Variants in EPHA5 observed in about 807,000 individuals in gnomAD.
EPHA5 encodes ephrin type-A receptor 5.
EPHA5 carries 60 observed loss-of-function variants against 105.0 expected under a neutral mutation model. The observed-to-expected ratio is 0.57, with a 90% confidence interval of 0.46 to 0.71. The LOEUF is 0.71. Among genes scored for constraint, EPHA5 ranks in the 30% least tolerant of loss-of-function variants. The pLI is 0.00. For missense variants in EPHA5, 1,218 were observed against 1,274.7 expected (o/e 0.96, Z 0.68); for synonymous variants, 513 against 449.1 (o/e 1.14, Z -1.80).
At chr4:65,418,684 T>C (rs1723626408) in intron 6 of EPHA5, among the ~76,000 whole-genome samples, 1 of 152,026 alleles carries the variant, frequency 6.6e-6, no homozygotes. Flanking sequence ...ATACGAACAT[T>C]GTAGAAACAT....
chr4:65,535,705 A>G (rs1736224027), intron 3 of EPHA5, among the ~76,000 whole-genome samples: 1 of 152,024 alleles, frequency 6.6e-6, no homozygotes, highest in Non-Finnish European at 1.5e-5. Flanking sequence ...GTTGAAGGTG[A>G]TGAAAAATAG....
chr4:65,599,348 A>AACACACACACAAACACACAC (rs1553949162), intron 3 of EPHA5, among the ~76,000 whole-genome samples: 1 of 148,564 alleles, frequency 6.7e-6, no homozygotes, highest in African/African-American at 2.5e-5. Flanking sequence ...GGCATTTTAT[A>AACACACACACAAACACACAC]ACACACACAC....
At chr4:65,651,133 G>A (rs1175499407) in intron 1 of EPHA5, among the ~76,000 whole-genome samples, 3 of 152,174 alleles carry the variant, frequency 2.0e-5, no homozygotes, top group Admixed American at 2.0e-4. Flanking sequence ...TGCTGGGAAT[G>A]GATGTATTTC....
At chr4:65,431,835 C>T (rs1018118415) in intron 5 of EPHA5, among the ~76,000 whole-genome samples, 1 of 151,992 alleles carries the variant, frequency 6.6e-6, no homozygotes, top group Admixed American at 6.6e-5. Flanking sequence ...AGAGTGGCCT[C>T]ATTTATCTTT....
chr4:65,507,456 G>T (rs1177967652), intron 3 of EPHA5, among the ~76,000 whole-genome samples: 1 of 152,126 alleles, frequency 6.6e-6, no homozygotes, highest in Non-Finnish European at 1.5e-5. Context: ...ATTACCTTGG[G>T]CAGTATGGCC....
intron 14 of EPHA5, among the ~76,000 whole-genome samples, chr4:65,345,620 T>C (rs1722140846): frequency 6.6e-6 from 1 of 152,216 alleles, no homozygotes; most frequent in Non-Finnish European, 1.5e-5. Flanking sequence ...CCTCCTCCTC[T>C]AGGGCCCTTG....
At chr4:65,622,549 ATG>A (rs1337011814) in intron 2 of EPHA5, among the ~76,000 whole-genome samples, 3 of 152,130 alleles carry the variant, frequency 2.0e-5, no homozygotes, top group Admixed American at 6.5e-5. Flanking sequence ...CTGAAAATAA[ATG>A]TAGTACTATT....
chr4:65,379,960 T>G (rs1038370218), intron 8 of EPHA5, among the ~76,000 whole-genome samples: 1 of 151,748 alleles, frequency 6.6e-6, no homozygotes, highest in Non-Finnish European at 1.5e-5. Flanking sequence ...TTAAAATAAT[T>G]TCTGAAGACG....
At chr4:65,557,450 C>T (rs901897233) in intron 3 of EPHA5, among the ~76,000 whole-genome samples, 2 of 151,552 alleles carry the variant, frequency 1.3e-5, no homozygotes, top group African/African-American at 4.8e-5. Flanking sequence ...ATCATTGATT[C>T]AGCAAATATT....
At chr4:65,377,548 C>T (rs1719132925) in intron 8 of EPHA5, among the ~76,000 whole-genome samples, 1 of 151,878 alleles carries the variant, frequency 6.6e-6, no homozygotes, top group Non-Finnish European at 1.5e-5. Flanking sequence ...TTATCATAGC[C>T]TATTGAAAAT....
At chr4:65,442,340 T>C (rs1204270146) in intron 5 of EPHA5, among the ~76,000 whole-genome samples, 1 of 152,138 alleles carries the variant, frequency 6.6e-6, no homozygotes, top group Non-Finnish European at 1.5e-5. Context: ...CATGTGAAAT[T>C]ATAGCAGAAG....
intron 14 of EPHA5, among the ~76,000 whole-genome samples, chr4:65,344,502 A>C (rs1308653247): frequency 6.6e-6 from 1 of 152,172 alleles, no homozygotes; most frequent in East Asian, 1.9e-4. Flanking sequence ...AAAACTAATA[A>C]TTCTGAGTGA....
At chr4:65,498,767 G>T (rs1280996892) in intron 3 of EPHA5, among the ~76,000 whole-genome samples, 1 of 151,666 alleles carries the variant, frequency 6.6e-6, no homozygotes, top group East Asian at 1.9e-4. Context: ...TAATATGTAA[G>T]GCATTATTTA....
chr4:65,435,077 A>G (rs1725350911), intron 5 of EPHA5, among the ~76,000 whole-genome samples: 1 of 152,122 alleles, frequency 6.6e-6, no homozygotes, highest in Non-Finnish European at 1.5e-5. Flanking sequence ...AACTGTCAAT[A>G]TTACATATAA....
chr4:65,386,267 G>A (rs909037780), intron 8 of EPHA5, among the ~76,000 whole-genome samples: 1 of 151,750 alleles, frequency 6.6e-6, no homozygotes, highest in Admixed American at 6.6e-5. Context: ...ATAAGTGAAT[G>A]ATCTCATTAA....
chr4:65,475,856 G>T (rs556242525), intron 5 of EPHA5, among the ~76,000 whole-genome samples: 2 of 152,098 alleles, frequency 1.3e-5, no homozygotes, highest in South Asian at 2.1e-4. Flanking sequence ...GTGAGCAGTG[G>T]GCAGAATAGA....
chr4:65,411,770 TA>T (rs1316141502), intron 7 of EPHA5, among the ~76,000 whole-genome samples: 1 of 152,206 alleles, frequency 6.6e-6, no homozygotes, highest in Non-Finnish European at 1.5e-5. Context: ...TGGAAAAAAG[TA>T]TTAATTTAAT....
chr4:65,577,953 C>T (rs980753551), intron 3 of EPHA5, among the ~76,000 whole-genome samples: 1 of 152,092 alleles, frequency 6.6e-6, no homozygotes, highest in Non-Finnish European at 1.5e-5. Flanking sequence ...TTCTGCCTCA[C>T]CAGAAATTCC....
At chr4:65,580,466 G>T (rs987461114) in intron 3 of EPHA5, among the ~76,000 whole-genome samples, 18 of 151,824 alleles carry the variant, frequency 1.2e-4, no homozygotes, top group Non-Finnish European at 2.9e-5. Context: ...ATGATCTTCA[G>T]TGACTGAAGA....
Sources: gnomAD v4.1 joint callset for allele counts (sites outside exome capture counted in the v4.1 genomes callset) on GRCh38, gnomAD v4.1.1 for gene constraint, MANE v1.5 for transcripts, NCBI Gene and HGNC (gene_info 2026-07-23, HGNC 2026-07-21) for gene names.